EYS: variants seen among roughly 807,000 people sequenced by gnomAD.
The protein encoded by EYS is protein eyes shut homolog.
A neutral mutation model predicts 282.1 loss-of-function variants in EYS; 250 were observed. The observed-to-expected ratio is 0.89, with a 90% CI of 0.80 to 0.98. The LOEUF (loss-of-function observed/expected upper bound fraction) is 0.98. EYS is among the 50% of genes least tolerant of loss of function. The probability of loss-of-function intolerance (pLI) is 0.00; values close to 1 mark genes in which losing one functional copy is unlikely to be tolerated. For synonymous variants in EYS, 1,355 were observed against 1,282.9 expected, an observed-to-expected ratio of 1.06 and a Z score of -1.20; for missense variants, 4,016 against 3,709.0, an observed-to-expected ratio of 1.08 and a Z score of -2.15.
At chr6:65,471,229 CAAAAAAAA>C (rs527251318) in intron 5 of EYS, among the ~76,000 whole-genome samples, 8 of 96,728 alleles carry the variant, frequency 8.3e-5, no homozygotes, top group African/African-American at 2.6e-4. Context: ...CTCATCTTTA[CAAAAAAAA>C]AAAAAAAAAA....
rs185829644 is a variant in EYS, at chr6:63,874,827, C to T, written c.7056-10469G>A. Among the ~76,000 whole-genome samples, 8 of 152,278 alleles carry T rather than the reference C, an allele frequency of 5.3e-5. No homozygotes were observed. In the East Asian group the frequency reaches 1.5e-3, roughly 29 times the overall value. ...GATTTTTGGACATCGATTTTGTATC[C>T]TGAGACTTTACTGAAGTTGCTTATC... On this transcript the variant is annotated intron_variant, in intron 35 of 42. Coordinates refer to ENST00000503581, the MANE Select transcript of EYS (RefSeq NM_001142800.2).
intron 12 of EYS, among the ~76,000 whole-genome samples, chr6:65,203,151 C>T (rs973525778): frequency 1.3e-5 from 2 of 152,190 alleles, no homozygotes; most frequent in African/African-American, 4.8e-5. Context: ...ACCACAATTA[C>T]CTCTTGCCTG....
intron 30 of EYS, among the ~76,000 whole-genome samples, chr6:64,246,146 T>C (rs1026551865): frequency 4.6e-5 from 7 of 150,612 alleles, no homozygotes; most frequent in African/African-American, 1.7e-4. Context: ...CTCCTACATA[T>C]AGGTGAGGTA....
At chr6:64,567,163 T>C (rs866037781) in intron 26 of EYS, among the ~76,000 whole-genome samples, 164 of 152,194 alleles carry the variant, frequency 1.1e-3, no homozygotes, top group African/African-American at 3.7e-3. Context: ...AAAAAAAAAT[T>C]CCTACCAAAA....
chr6:64,773,980 G>C (rs1562184169), intron 22 of EYS, among the ~76,000 whole-genome samples: 1 of 151,758 alleles, frequency 6.6e-6, no homozygotes, highest in Non-Finnish European at 1.5e-5. Context: ...ATTGCTTTTG[G>C]CATCTTTATC....
intron 29 of EYS, among the ~76,000 whole-genome samples, chr6:64,347,068 T>C (rs1160849850): frequency 6.6e-6 from 1 of 151,326 alleles, no homozygotes; most frequent in Non-Finnish European, 1.5e-5. Flanking sequence ...TATCTAATCA[T>C]TCATGTGGGG....
At chr6:64,151,187 A>C (rs555542286) in intron 31 of EYS, among the ~76,000 whole-genome samples, 51 of 151,258 alleles carry the variant, frequency 3.4e-4, no homozygotes, top group African/African-American at 1.2e-3. Context: ...ATATATTAAA[A>C]TACTCTGCTG....
At chr6:64,709,439 C>G (rs1771136660) in intron 22 of EYS, among the ~76,000 whole-genome samples, 1 of 151,948 alleles carries the variant, frequency 6.6e-6, no homozygotes, top group Admixed American at 6.6e-5. Flanking sequence ...TATTTTTTCT[C>G]TCTTTATATT....
At chr6:64,891,883 TCA>T (rs1463048354) in intron 18 of EYS, among the ~76,000 whole-genome samples, 1 of 152,054 alleles carries the variant, frequency 6.6e-6, no homozygotes, top group East Asian at 1.9e-4. Context: ...TAAAAATTTC[TCA>T]TTTAAATAAA....
At chr6:65,622,404 T>A (rs1766536327) in intron 2 of EYS, among the ~76,000 whole-genome samples, 1 of 152,172 alleles carries the variant, frequency 6.6e-6, no homozygotes, top group African/African-American at 2.4e-5. Flanking sequence ...TTACTTCTGC[T>A]ATTAATCAAA....
At chr6:64,775,509 A>G (rs1773652095) in intron 22 of EYS, among the ~76,000 whole-genome samples, 1 of 152,162 alleles carries the variant, frequency 6.6e-6, no homozygotes, top group South Asian at 2.1e-4. Context: ...TATGTAATAA[A>G]TTATTGTTGG....
chr6:64,701,480 A>G (rs1440141159), intron 22 of EYS, among the ~76,000 whole-genome samples: 8 of 152,110 alleles, frequency 5.3e-5, no homozygotes, highest in Non-Finnish European at 1.2e-4. Context: ...AAAAACCATT[A>G]TAAAAAGATA....
chr6:64,912,638 G>T lies in EYS; in HGVS notation c.2487C>A (p.Ile829=), dbSNP rs1159226555. 2 of 1,550,342 alleles carry T rather than the reference G, an allele frequency of 1.3e-6. No homozygotes were observed. The highest frequency in any genetic ancestry group is 3.3e-4 in the Middle Eastern group (2 of 5,986). The change falls in exon 16 of 43, where the codon ATC becomes ATA. Residue 829 remains isoleucine, a synonymous_variant. Coordinates refer to ENST00000503581, the MANE Select transcript of EYS (RefSeq NM_001142800.2). ...MNGGLCHEST[I]PGQFVCLCPP... is the part of the protein sequence containing the mutation. The stretch of plus-strand genomic sequence containing the variant: ...GGCACAGACATACAAATTGTCCAGG[G>T]ATGGTAGATTCATGACAAAGACCTC...
intron 26 of EYS, among the ~76,000 whole-genome samples, chr6:64,449,020 A>C (rs1775220471): frequency 6.6e-6 from 1 of 152,118 alleles, no homozygotes; most frequent in Non-Finnish European, 1.5e-5. Flanking sequence ...GACTTTGATG[A>C]GTTGAGAGAG....
intron 19 of EYS, among the ~76,000 whole-genome samples, chr6:64,833,300 G>GAA (rs1765280242): frequency 6.6e-6 from 1 of 151,844 alleles, no homozygotes; most frequent in African/African-American, 2.4e-5. Flanking sequence ...TAGGTAACCT[G>GAA]TGTGTAGCTA....
At chr6:64,981,536 T>G (rs571967060) in intron 14 of EYS, among the ~76,000 whole-genome samples, 18 of 150,786 alleles carry the variant, frequency 1.2e-4, no homozygotes, top group African/African-American at 4.3e-4. Flanking sequence ...TCATCATTTC[T>G]TCTCTTACTA....
At chr6:63,911,363 T>C (rs1581967140) in intron 35 of EYS, among the ~76,000 whole-genome samples, 1 of 152,352 alleles carries the variant, frequency 6.6e-6, no homozygotes, top group South Asian at 2.1e-4. Flanking sequence ...CATAAACATC[T>C]GCCCTTATGC....
intron 8 of EYS, among the ~76,000 whole-genome samples, chr6:65,381,237 C>T (rs1765598406): frequency 1.3e-5 from 2 of 152,030 alleles, no homozygotes; most frequent in African/African-American, 4.8e-5. Flanking sequence ...CAATGATAGG[C>T]TGGATAAAGA....
chr6:64,933,936 C>T (rs1583307180), intron 15 of EYS, among the ~76,000 whole-genome samples: 2 of 151,398 alleles, frequency 1.3e-5, no homozygotes, highest in South Asian at 4.2e-4. Context: ...CAACAATGAG[C>T]ACACAGGGAG....
Sources: allele counts gnomAD v4.1 joint callset (sites outside exome capture counted in the v4.1 genomes callset), GRCh38; gene constraint gnomAD v4.1.1; transcripts MANE v1.5; gene names NCBI Gene and HGNC (gene_info 2026-07-23, HGNC 2026-07-21).